The following PCDH11X variants were observed in gnomAD, a reference collection of about 807,000 sequenced individuals.
The protein encoded by PCDH11X is protocadherin-11 X-linked.
In PCDH11X, 18 loss-of-function variants were observed where a neutral mutation model predicts 53.3. The observed-to-expected ratio is 0.34, with a 90% confidence interval of 0.23 to 0.50. The LOEUF is 0.50. Among genes scored for constraint, PCDH11X ranks in the 20% least tolerant of loss-of-function variants. PCDH11X has a pLI of 0.98. For synonymous variants in PCDH11X, 279 were observed against 393.3 expected (o/e 0.71, Z 3.44); for missense variants, 570 against 1,032.4 (o/e 0.55, Z 6.14).
chrX:91,844,983 G>C, intron 5 of PCDH11X, among the ~76,000 whole-genome samples: 1 of 111,311 alleles, frequency 9.0e-6, no homozygotes, highest in Non-Finnish European at 1.9e-5. Context: ...ATGAATTCTA[G>C]AGAAACAATT....
chrX:92,596,928 T>C (rs1925677684), intron 10 of PCDH11X, among the ~76,000 whole-genome samples: 2 of 110,067 alleles, frequency 1.8e-5, no homozygotes, highest in African/African-American at 6.6e-5. Flanking sequence ...ATCATATCAA[T>C]AGAATGAAAG....
chrX:92,187,560 G>A (rs748003607), intron 6 of PCDH11X, among the ~76,000 whole-genome samples: 1 of 111,649 alleles, frequency 9.0e-6, no homozygotes, highest in African/African-American at 3.2e-5. Flanking sequence ...AGAGGAATCT[G>A]TGTCAAAACC....
intron 6 of PCDH11X, among the ~76,000 whole-genome samples, chrX:91,978,024 C>T (rs1055818217): frequency 9.0e-6 from 1 of 111,637 alleles, no homozygotes; most frequent in Non-Finnish European, 1.9e-5. Flanking sequence ...TCGTATAACC[C>T]TCCTTTGTAA....
At chrX:92,478,549 G>A (rs2073436781) in intron 10 of PCDH11X, among the ~76,000 whole-genome samples, 2 of 110,949 alleles carry the variant, frequency 1.8e-5, no homozygotes, top group Non-Finnish European at 3.8e-5. Context: ...TTGTGTCCCA[G>A]AGATTCTGCT....
intron 6 of PCDH11X, among the ~76,000 whole-genome samples, chrX:92,069,763 C>A (rs2063670148): frequency 9.0e-6 from 1 of 111,656 alleles, no homozygotes; most frequent in South Asian, 3.7e-4. Flanking sequence ...CTCACTACAA[C>A]CTCCACCTCC....
intron 6 of PCDH11X, among the ~76,000 whole-genome samples, chrX:92,102,007 G>A (rs1259237135): frequency 7.2e-5 from 8 of 111,800 alleles, no homozygotes; most frequent in African/African-American, 2.6e-4. Context: ...TAAATCAAGT[G>A]TGATCAGGGT....
At chrX:92,163,320 C>G (rs1219962118) in intron 6 of PCDH11X, among the ~76,000 whole-genome samples, 8 of 109,436 alleles carry the variant, frequency 7.3e-5, no homozygotes, top group African/African-American at 2.3e-4. Context: ...ATTCTGCATA[C>G]CAGATTCACG....
chrX:91,848,809 G>A (rs1018326046), intron 5 of PCDH11X, among the ~76,000 whole-genome samples: 10 of 110,597 alleles, frequency 9.0e-5, no homozygotes, highest in African/African-American at 3.4e-4. Context: ...CTAAAGATAA[G>A]TATAAGTTTG....
intron 6 of PCDH11X, among the ~76,000 whole-genome samples, chrX:92,065,067 AG>A (rs2063587199): frequency 2.0e-5 from 2 of 101,289 alleles, no homozygotes; most frequent in African/African-American, 4.0e-5. Flanking sequence ...CCATTGCCTG[AG>A]GGTGGATCCC....
chrX:92,055,982 C>T (rs1478896954), intron 6 of PCDH11X, among the ~76,000 whole-genome samples: 1 of 109,468 alleles, frequency 9.1e-6, no homozygotes, highest in African/African-American at 3.3e-5. Context: ...CATGTCTTTG[C>T]TATTGTAGTG....
chrX:92,219,428 A>G (rs1263609951), intron 7 of PCDH11X, among the ~76,000 whole-genome samples: 2 of 110,882 alleles, frequency 1.8e-5, no homozygotes, highest in Admixed American at 9.7e-5. Flanking sequence ...CCCAGATCAT[A>G]AGTGAATTCC....
At chrX:92,491,418 G>A (rs926647219) in intron 10 of PCDH11X, among the ~76,000 whole-genome samples, 2 of 110,150 alleles carry the variant, frequency 1.8e-5, no homozygotes, top group African/African-American at 6.6e-5. Context: ...CTTGTATTCA[G>A]TCTCTATTTT....
chrX:91,890,972 T>C (rs1249090171), intron 6 of PCDH11X, among the ~76,000 whole-genome samples: 2 of 103,577 alleles, frequency 1.9e-5, no homozygotes, highest in African/African-American at 7.1e-5. Context: ...TTGGGCAATG[T>C]ATACAGTTTA....
chrX:92,196,051 A>G (rs1175493836), intron 6 of PCDH11X, among the ~76,000 whole-genome samples: 1 of 112,095 alleles, frequency 8.9e-6, no homozygotes, highest in African/African-American at 3.2e-5. Flanking sequence ...TGTGTAACTT[A>G]TAAGAAAGCT....
At chrX:92,371,857 A>G (rs2070631727) in intron 8 of PCDH11X, among the ~76,000 whole-genome samples, 1 of 111,168 alleles carries the variant, frequency 9.0e-6, no homozygotes, top group African/African-American at 3.3e-5. Context: ...GGGTTTAGGT[A>G]CTTTTGGGTA....
chrX:92,593,814 G>C (rs1925286463), intron 10 of PCDH11X, among the ~76,000 whole-genome samples: 1 of 106,615 alleles, frequency 9.4e-6, no homozygotes, highest in African/African-American at 3.4e-5. Flanking sequence ...TGGACCTGCT[G>C]TTTAAGAGAA....
intron 5 of PCDH11X, among the ~76,000 whole-genome samples, chrX:91,841,096 G>A (rs1937509342): frequency 9.1e-6 from 1 of 110,052 alleles, no homozygotes; most frequent in Non-Finnish European, 1.9e-5. Flanking sequence ...TGAAAGCTGG[G>A]GTTATTATCA....
intron 8 of PCDH11X, among the ~76,000 whole-genome samples, chrX:92,281,685 G>C (rs1271304796): frequency 9.0e-6 from 1 of 111,513 alleles, no homozygotes; most frequent in South Asian, 3.8e-4. Context: ...CTTTCCATTA[G>C]AGTCCAAACT....
At chrX:92,591,819 A>G (rs1925065532) in intron 10 of PCDH11X, among the ~76,000 whole-genome samples, 2 of 111,111 alleles carry the variant, frequency 1.8e-5, no homozygotes, top group East Asian at 2.9e-4. Context: ...TTGGGATTTT[A>G]TCATCTTTTG....
Sources: allele counts gnomAD v4.1 joint callset (sites outside exome capture counted in the v4.1 genomes callset), GRCh38; gene constraint gnomAD v4.1.1; transcripts MANE v1.5; gene names NCBI Gene and HGNC (gene_info 2026-07-23, HGNC 2026-07-21).